Variants in DST observed in about 807,000 individuals in gnomAD.
The protein encoded by DST is dystonin, also known as bullous pemphigoid antigen.
DST carries 253 observed loss-of-function variants against 875.2 expected under a neutral mutation model. The observed-to-expected ratio is 0.29, with a 90% CI of 0.26 to 0.32. The LOEUF is 0.32. DST is among the 10% of genes least tolerant of loss of function. The probability of loss-of-function intolerance (pLI) is 1.00; values close to 1 mark genes in which losing one functional copy is unlikely to be tolerated. For synonymous variants in DST, 3,124 were observed against 3,197.1 expected, an observed-to-expected ratio of 0.98 and a Z score of 0.77; for missense variants, 8,287 against 9,111.6, an observed-to-expected ratio of 0.91 and a Z score of 3.68.
At chr6:56,783,867 T>G (rs1362423555) in intron 4 of DST, among the ~76,000 whole-genome samples, 1 of 152,256 alleles carries the variant, frequency 6.6e-6, no homozygotes, top group Admixed American at 6.5e-5. Flanking sequence ...TGGTACCTGT[T>G]GTGCCTTTCC....
At chr6:56,841,583 T>A (rs537896590) in intron 4 of DST, among the ~76,000 whole-genome samples, 1 of 152,368 alleles carries the variant, frequency 6.6e-6, no homozygotes, top group South Asian at 2.1e-4. Context: ...ATCACCCACG[T>A]GTCACTTAAG....
rs573653571 is a variant in DST at position 56,481,987 on chromosome 6, G to A, written c.21531+63C>T. On this transcript the variant is annotated intron_variant, in intron 90 of 103. Coordinates refer to ENST00000680361, the MANE Select transcript of DST (RefSeq NM_001374736.1). ...TCATGCAGTTGATATTTGTAATCCCGAGTCTATTTTCCCTGCTTTGATTTT... is the reference window on the plus strand; with the variant it reads ...TCATGCAGTTGATATTTGTAATCCCAAGTCTATTTTCCCTGCTTTGATTTT... 1.7e-3 allele frequency: 2,594 copies of A among 1,524,926 alleles called. 4 individuals are homozygous for A. Among genetic ancestry groups the A allele is most frequent in the Non-Finnish European group, 2.1e-3 (2,372 of 1,116,494 alleles). The allele number at this position is 1,524,926 out of a possible 1,614,324, so 94.5% of individuals were successfully genotyped here. A position where few individuals can be genotyped will look rare whatever the true frequency, so the allele number is the denominator to read the frequency against.
intron 36 of DST, chr6:56,617,487 T>A: frequency 1.5e-6 from 2 of 1,344,384 alleles, no homozygotes; most frequent in Non-Finnish European, 2.1e-6. Flanking sequence ...CCATTCTCAA[T>A]CCAAACATAA....
At chr6:56,590,136 T>C (rs1241097752) in intron 49 of DST, among the ~76,000 whole-genome samples, 1 of 152,244 alleles carries the variant, frequency 6.6e-6, no homozygotes, top group African/African-American at 2.4e-5. Context: ...AATTACGCTA[T>C]GACTTAATTA....
chr6:56,615,881 T>C (rs1273353921), intron 36 of DST: 14 of 1,614,092 alleles, frequency 8.7e-6, no homozygotes, highest in Non-Finnish European at 1.1e-5. Context: ...AGTGATGGGA[T>C]GGCCAATCCC....
In DST at chr6:56,624,553, A is replaced by G. The variant is rs147406105; in HGVS notation, c.4906T>C (p.Leu1636=). 463 of 1,612,924 alleles carry G rather than the reference A, an allele frequency of 2.9e-4. 1 individual carries two copies. The African/African-American group carries it at 5.8e-3, about 20-fold the overall frequency. Residue 1636 remains leucine, a synonymous_variant, in exon 36 of 104, where the codon TTG becomes CTG. Transcript: ENST00000680361. Reference sequence around the variant, plus strand: ...ACCTCCTCCTCTTCCAGCCTCTTCAATGAATCACCAGCAAATTTAATATAT... The same window carrying G: ...ACCTCCTCCTCTTCCAGCCTCTTCAGTGAATCACCAGCAAATTTAATATAT... ...TQYIKFAGDS[L]KRLEEEEKSL...
chr6:56,812,109 A>AAAAGAAAAGAAAAG (rs1554158456), intron 4 of DST, among the ~76,000 whole-genome samples: 6 of 111,800 alleles, frequency 5.4e-5, no homozygotes, highest in South Asian at 3.1e-4. Context: ...CTCAAAAAAA[A>AAAAGAAAAGAAAAG]AAAAGAAAAG....
chr6:56,532,333 ATATAAGT>A lies in DST; in HGVS notation c.17108+4_17108+10del. The A allele has an allele frequency of 6.2e-7, 1 of 1,612,758 alleles. No homozygotes were observed. Among genetic ancestry groups the A allele is most frequent in the Non-Finnish European group, 8.5e-7 (1 of 1,179,264 alleles). ...CTACTCTTTCAAAAGAACTGGAAGTATATAAGTTACCTTGTTTCAGCTTTATTAAGCA... is the reference window on the plus strand; with the variant it reads ...CTACTCTTTCAAAAGAACTGGAAGTATACCTTGTTTCAGCTTTATTAAGCA... On this transcript the variant is annotated splice_donor_5th_base_variant and intron_variant, in intron 64 of 103. Transcript: ENST00000680361.
intron 9 of DST, among the ~76,000 whole-genome samples, chr6:56,687,668 C>A (rs564837433): frequency 6.6e-6 from 1 of 152,146 alleles, no homozygotes; most frequent in Non-Finnish European, 1.5e-5. Context: ...TTTGTCAACA[C>A]AGGCAAATAT....
intron 3 of DST, among the ~76,000 whole-genome samples, chr6:56,868,372 C>A (rs1196163112): frequency 6.6e-6 from 1 of 152,170 alleles, no homozygotes; most frequent in Non-Finnish European, 1.5e-5. Context: ...ACAAATCCAT[C>A]ATCTCTAAAG....
chr6:56,672,312 G>C (rs1210294254), intron 9 of DST, among the ~76,000 whole-genome samples: 1 of 152,144 alleles, frequency 6.6e-6, no homozygotes, highest in Non-Finnish European at 1.5e-5. Context: ...CATGCCCCAT[G>C]GAGCTTCACT....
At chr6:56,584,205 T>C (rs1229628308) in intron 49 of DST, among the ~76,000 whole-genome samples, 2 of 152,040 alleles carry the variant, frequency 1.3e-5, no homozygotes, top group Admixed American at 6.6e-5. Flanking sequence ...TTTCACGATA[T>C]TGATTCTTCT....
At chr6:56,629,022 A>G (rs1461934498) in intron 32 of DST, among the ~76,000 whole-genome samples, 1 of 152,224 alleles carries the variant, frequency 6.6e-6, no homozygotes, top group Non-Finnish European at 1.5e-5. Context: ...GATTAACTAT[A>G]TAAATGCTAG....
intron 78 of DST, 86 bp downstream of exon 78, chr6:56,503,911 G>A (rs2096229564): frequency 1.1e-6 from 1 of 894,128 alleles, no homozygotes. Context: ...ACTTACATTA[G>A]GTAAAATAAA....
chr6:56,806,324 C>CT (rs1379157104), intron 4 of DST, among the ~76,000 whole-genome samples: 3 of 152,120 alleles, frequency 2.0e-5, no homozygotes, highest in African/African-American at 7.2e-5. Context: ...GCCCCAAACT[C>CT]TGAAAATTAA....
chr6:56,708,820 G>T (rs903275548), intron 5 of DST, among the ~76,000 whole-genome samples: 3 of 152,206 alleles, frequency 2.0e-5, no homozygotes, highest in Admixed American at 1.3e-4. Flanking sequence ...AGGGAAAGTA[G>T]ACAGCTAAGC....
intron 4 of DST, among the ~76,000 whole-genome samples, chr6:56,835,983 A>C (rs1299722090): frequency 6.6e-6 from 1 of 152,194 alleles, no homozygotes; most frequent in Non-Finnish European, 1.5e-5. Context: ...ACCCAAATAC[A>C]CACTGGAAAT....
intron 36 of DST, chr6:56,616,297 A>G: frequency 6.2e-7 from 1 of 1,614,020 alleles, no homozygotes; most frequent in Non-Finnish European, 8.5e-7. Context: ...CAGTCAGCAT[A>G]TGAGAAGAAT....
intron 9 of DST, among the ~76,000 whole-genome samples, chr6:56,680,337 G>A (rs2099151142): frequency 6.6e-6 from 1 of 152,218 alleles, no homozygotes; most frequent in East Asian, 1.9e-4. Context: ...TGATGGGTAG[G>A]GGGATGCTGA....
Sources: allele counts gnomAD v4.1 joint callset (sites outside exome capture counted in the v4.1 genomes callset), GRCh38; gene constraint gnomAD v4.1.1; transcripts MANE v1.5; gene names NCBI Gene and HGNC (gene_info 2026-07-23, HGNC 2026-07-21).